Variants in NRG3 observed in about 807,000 individuals in gnomAD.
NRG3 encodes the protein neuregulin 3, also known as pro-neuregulin-3, membrane-bound isoform.
Under a neutral mutation model 66.9 loss-of-function variants are expected in NRG3, and 31 were observed. That is an observed-to-expected ratio of 0.46 (90% CI 0.35 to 0.63). The LOEUF (loss-of-function observed/expected upper bound fraction) is 0.63, where lower values mean the gene tolerates loss of function less well. Among genes scored for constraint, NRG3 ranks in the 20% least tolerant of loss-of-function variants. NRG3 has a pLI of 0.00. For missense variants in NRG3, 910 were observed against 878.9 expected (o/e 1.04, Z -0.45); for synonymous variants, 393 against 359.4 (o/e 1.09, Z -1.06).
chr10:82,137,275 C>G (rs1412790112), intron 1 of NRG3, among the ~76,000 whole-genome samples: 1 of 152,154 alleles, frequency 6.6e-6, no homozygotes, highest in Non-Finnish European at 1.5e-5. Flanking sequence ...GCTTTTAGAA[C>G]CAACTCTCTG....
chr10:82,203,791 A>G (rs1417457226), intron 1 of NRG3, among the ~76,000 whole-genome samples: 2 of 152,186 alleles, frequency 1.3e-5, no homozygotes, highest in Non-Finnish European at 1.5e-5. Context: ...TCAACAATGA[A>G]AGTTGGATGG....
chr10:82,741,388 G>A (rs909610817), intron 3 of NRG3, among the ~76,000 whole-genome samples: 2 of 152,080 alleles, frequency 1.3e-5, no homozygotes, highest in African/African-American at 2.4e-5. Context: ...GATTTGATTC[G>A]GCTTCCAGGC....
chr10:82,531,055 A>G (rs1050307005), intron 2 of NRG3, among the ~76,000 whole-genome samples: 3 of 151,984 alleles, frequency 2.0e-5, no homozygotes, highest in Non-Finnish European at 4.4e-5. Context: ...ATATGAAAAG[A>G]AAAAAGAGCT....
At chr10:82,235,405 T>C (rs577467987) in intron 1 of NRG3, among the ~76,000 whole-genome samples, 1 of 152,384 alleles carries the variant, frequency 6.6e-6, no homozygotes, top group South Asian at 2.1e-4. Flanking sequence ...TTAACTATTT[T>C]TCTAACATCT....
chr10:82,060,013 T>C (rs1005964423), intron 1 of NRG3, among the ~76,000 whole-genome samples: 1 of 152,218 alleles, frequency 6.6e-6, no homozygotes, highest in Non-Finnish European at 1.5e-5. Context: ...TAAACTTCTG[T>C]TTCCTCCTTT....
chr10:82,297,524 T>C (rs1242774964), intron 1 of NRG3, among the ~76,000 whole-genome samples: 1 of 152,076 alleles, frequency 6.6e-6, no homozygotes, highest in Non-Finnish European at 1.5e-5. Context: ...CTCTGCTTAG[T>C]AGGGAAGAAA....
chr10:81,990,375 T>C (rs2060693931), intron 1 of NRG3, among the ~76,000 whole-genome samples: 1 of 152,186 alleles, frequency 6.6e-6, no homozygotes, highest in Non-Finnish European at 1.5e-5. Context: ...GGAATATTTT[T>C]ATGGTTCATT....
intron 1 of NRG3, among the ~76,000 whole-genome samples, chr10:81,937,639 T>C (rs1361198196): frequency 6.6e-6 from 1 of 152,142 alleles, no homozygotes; most frequent in Non-Finnish European, 1.5e-5. Flanking sequence ...CTTTATATGT[T>C]CTGGATATTA....
chr10:82,107,978 C>T (rs570453232), intron 1 of NRG3, among the ~76,000 whole-genome samples: 8 of 152,290 alleles, frequency 5.3e-5, no homozygotes, highest in East Asian at 1.9e-4. Flanking sequence ...TCCATTGCCA[C>T]GGCTGACGCA....
At chr10:82,235,375 A>C (rs1589421033) in intron 1 of NRG3, among the ~76,000 whole-genome samples, 1 of 152,358 alleles carries the variant, frequency 6.6e-6, no homozygotes, top group East Asian at 1.9e-4. Context: ...TCTGAGCCTT[A>C]GATACAGTAT....
chr10:82,190,002 T>G (rs2133338445), intron 1 of NRG3, among the ~76,000 whole-genome samples: 1 of 152,046 alleles, frequency 6.6e-6, no homozygotes, highest in South Asian at 2.1e-4. Flanking sequence ...CAGAGAAATT[T>G]TGAACAAGAT....
chr10:82,792,703 G>A (rs61858426), intron 3 of NRG3, among the ~76,000 whole-genome samples: 22 of 151,090 alleles, frequency 1.5e-4, no homozygotes, highest in Non-Finnish European at 2.5e-4. Context: ...TTTTTTTGAC[G>A]GAGTTTTGCT....
intron 1 of NRG3, among the ~76,000 whole-genome samples, chr10:82,226,076 A>T (rs79273470): frequency 0.039 from 5,910 of 152,182 alleles, 141 homozygotes; most frequent in Admixed American, 0.045. Flanking sequence ...TTACCCCAAG[A>T]ATCTATCCAT....
At chr10:82,700,508 A>G (rs970499544) in intron 2 of NRG3, among the ~76,000 whole-genome samples, 32 of 152,166 alleles carry the variant, frequency 2.1e-4, no homozygotes, top group African/African-American at 7.5e-4. Flanking sequence ...CTAGGTTTTG[A>G]CAGAGCCTGT....
chr10:82,466,554 G>T (rs897415512), intron 2 of NRG3, among the ~76,000 whole-genome samples: 2 of 152,154 alleles, frequency 1.3e-5, no homozygotes, highest in Non-Finnish European at 2.9e-5. Context: ...AAACAGGTAG[G>T]CAGTTCAGGC....
chr10:82,222,513 T>C lies in NRG3; in HGVS notation c.824-136226T>C, dbSNP rs1268106370. Among the ~76,000 whole-genome samples the C allele has an allele frequency of 2.6e-5, 4 of 152,284 alleles. No individual in the cohort carries two copies. In the South Asian group the frequency reaches 8.3e-4, roughly 32 times the overall value. On this transcript the variant is annotated intron_variant, in intron 1 of 8. Transcript: ENST00000372141. ...GTTGATTAGACCCCTGGGTTTCTGC[T>C]CTTGAGACATTGCCAGAGGCCAAAT... is the stretch of plus-strand genomic sequence containing the variant.
chr10:82,840,842 C>CT (rs907891701), intron 3 of NRG3, among the ~76,000 whole-genome samples: 8 of 151,126 alleles, frequency 5.3e-5, no homozygotes, highest in East Asian at 1.9e-4. Context: ...TGCCTCGTGT[C>CT]TTTTTTTTTC....
chr10:82,522,310 G>T (rs924856987), intron 2 of NRG3, among the ~76,000 whole-genome samples: 2 of 152,096 alleles, frequency 1.3e-5, no homozygotes, highest in Non-Finnish European at 2.9e-5. Context: ...CTCTGAAAGT[G>T]CTGGGATTAC....
At chr10:82,094,833 A>G (rs1031673233) in intron 1 of NRG3, among the ~76,000 whole-genome samples, 2 of 152,214 alleles carry the variant, frequency 1.3e-5, no homozygotes, top group African/African-American at 4.8e-5. Context: ...GTGGACCTAA[A>G]TAATGTGTAG....
Sources: allele counts gnomAD v4.1 joint callset (sites outside exome capture counted in the v4.1 genomes callset), GRCh38; gene constraint gnomAD v4.1.1; transcripts MANE v1.5; gene names NCBI Gene and HGNC (gene_info 2026-07-23, HGNC 2026-07-21).